ADA2: variants seen among roughly 807,000 people sequenced by gnomAD.
ADA2 encodes adenosine deaminase CECR1.
A neutral mutation model predicts 44.2 loss-of-function variants in ADA2; 29 were observed. The ratio of observed to expected loss-of-function variants is 0.66; its 90% CI spans 0.49 to 0.89. ADA2 has a LOEUF of 0.89. Ranked by LOEUF, ADA2 falls within the 40% of genes least tolerant of loss-of-function variation. ADA2 has a pLI of 0.00. For synonymous variants in ADA2, 215 were observed against 234.9 expected, an observed-to-expected ratio of 0.92 and a Z score of 0.77; for missense variants, 637 against 644.8, an observed-to-expected ratio of 0.99 and a Z score of 0.13.
intron 5 of ADA2, among the ~76,000 whole-genome samples, 180 bp downstream of exon 5, chr22:17,191,503 T>G (rs574954821): frequency 1.4e-4 from 22 of 152,288 alleles, no homozygotes; most frequent in African/African-American, 5.3e-4. Context: ...CAATTCATTG[T>G]TGGGTCACCG....
intron 9 of ADA2, 53 bp from the exon 10 acceptor site, chr22:17,181,629 G>T: frequency 7.5e-7 from 1 of 1,326,030 alleles, no homozygotes; most frequent in Non-Finnish European, 1.1e-6. Context: ...TTGGGGAACG[G>T]GGCAGGGAGC....
At chr22:17,205,203 A>G (rs975583947) in intron 3 of ADA2, among the ~76,000 whole-genome samples, 5 of 152,020 alleles carry the variant, frequency 3.3e-5, no homozygotes, top group Non-Finnish European at 7.4e-5. Context: ...TATTTTTAGT[A>G]GAGACAGGGT....
chr22:17,193,096 A>G, intron 4 of ADA2: 1 of 1,177,038 alleles, frequency 8.5e-7, no homozygotes, highest in Non-Finnish European at 1.2e-6. Context: ...AGCAACAAAA[A>G]AAAACAAAGA....
chr22:17,187,204 A>T (rs1270804913), intron 7 of ADA2, among the ~76,000 whole-genome samples: 2 of 151,516 alleles, frequency 1.3e-5, no homozygotes, highest in East Asian at 3.9e-4. Flanking sequence ...CTTTTTGTGT[A>T]GAATGGAATC....
At chr22:17,190,427 C>T (rs560756311) in intron 5 of ADA2, among the ~76,000 whole-genome samples, 2 of 152,204 alleles carry the variant, frequency 1.3e-5, no homozygotes, top group Non-Finnish European at 2.9e-5. Context: ...CCACTGCACA[C>T]CTGCAAAGGG....
At chr22:17,209,225 G>T in intron 2 of ADA2, 131 bp downstream of exon 2, 1 of 772,026 alleles carries the variant, frequency 1.3e-6, no homozygotes, top group Admixed American at 2.6e-5. Flanking sequence ...CATAAGGACA[G>T]AGGAGCAGAA....
intron 4 of ADA2, among the ~76,000 whole-genome samples, chr22:17,199,188 G>A (rs756018314): frequency 6.6e-6 from 1 of 151,940 alleles, no homozygotes; most frequent in East Asian, 1.9e-4. Flanking sequence ...GCTGGGGGAC[G>A]GGCGGAGACG....
chr22:17,201,967 CTTTTTTTTTTT>C (rs71200247), intron 4 of ADA2, among the ~76,000 whole-genome samples: 6 of 103,112 alleles, frequency 5.8e-5, no homozygotes, highest in East Asian at 5.7e-4. Flanking sequence ...TTTCTTTTTT[CTTTTTTTTTTT>C]TTTTTTTTTT....
chr22:17,194,304 G>A (rs900383400), intron 4 of ADA2, among the ~76,000 whole-genome samples: 1 of 152,130 alleles, frequency 6.6e-6, no homozygotes, highest in African/African-American at 2.4e-5. Flanking sequence ...CAGGAAATGG[G>A]CCCTTGGGAG....
intron 4 of ADA2, among the ~76,000 whole-genome samples, chr22:17,201,491 A>T (rs1436848768): frequency 6.6e-6 from 1 of 152,174 alleles, no homozygotes; most frequent in African/African-American, 2.4e-5. Flanking sequence ...GCATTTGTGT[A>T]TCCGATCAAT....
intron 4 of ADA2, 44 bp downstream of exon 4, chr22:17,203,519 A>G: frequency 6.7e-7 from 1 of 1,497,376 alleles, no homozygotes; most frequent in Non-Finnish European, 9.3e-7. Context: ...GAGTCAGGCC[A>G]GAGCAAAGGA....
At chr22:17,185,007 T>TATATATATATATATATATA (rs1568969005) in intron 7 of ADA2, among the ~76,000 whole-genome samples, 1 of 136,608 alleles carries the variant, frequency 7.3e-6, no homozygotes, top group Non-Finnish European at 1.6e-5. Context: ...TATATATATA[T>TATATATATATATATATATA]GAAAACTCCA....
chr22:17,202,773 C>CTTTTT (rs1555886608), intron 4 of ADA2, among the ~76,000 whole-genome samples: 1 of 132,660 alleles, frequency 7.5e-6, no homozygotes, highest in African/African-American at 2.7e-5. Flanking sequence ...TCCTTTCTTT[C>CTTTTT]TTTTTTTTTT....
At position 17,209,425 on chromosome 22, in the gene ADA2, G is replaced by A; in HGVS notation, c.253C>T (p.His85Tyr). ...MRTLIFPPSM[H>Y]FFQAKHLIER... The stretch of plus-strand genomic sequence containing the variant: ...ATGAGATGCTTGGCCTGGAAAAAGT[G>A]CATGCTGGGTGGGAATATCAGGGTC... Residue 85 changes from histidine to tyrosine, a missense_variant, in exon 2 of 10, where the codon CAC becomes TAC. His to Tyr is a moderately conservative substitution (Grantham distance 83). Transcript: ENST00000399837. 2 of 1,614,084 alleles carry A rather than the reference G, an allele frequency of 1.2e-6. No individual in the cohort carries two copies. The highest frequency in any genetic ancestry group is 1.7e-6 in the Non-Finnish European group (2 of 1,180,018).
chr22:17,198,043 A>AC (rs2062215745), intron 4 of ADA2, among the ~76,000 whole-genome samples: 1 of 151,950 alleles, frequency 6.6e-6, no homozygotes, highest in Admixed American at 6.6e-5. Context: ...CGTCTCAAAA[A>AC]AAAAAAAAAC....
In ADA2 at chr22:17,189,973, T is replaced by A; in HGVS notation, c.941A>T (p.Lys314Met). The A allele has an allele frequency of 6.2e-7, 1 of 1,613,960 alleles. No individual in the cohort carries two copies. Among genetic ancestry groups the A allele is most frequent in the Non-Finnish European group, 8.5e-7 (1 of 1,179,848 alleles). The change falls in exon 6 of 10, where the codon AAG becomes ATG. Residue 314 changes from lysine (K) to methionine (M), a missense_variant. Transcript: ENST00000399837. ...AAACCCTGCCACCACCGTGGGGAAC[T>A]TGATTCGGAGCCCCATGGCCATTCG... is the stretch of plus-strand genomic sequence containing the variant. ...SIRMAMGLRI[K>M]FPTVVAGFDL...
chr22:17,188,492 C>G (rs772102280), intron 6 of ADA2, 45 bp from the exon 7 acceptor site: 1 of 1,381,432 alleles, frequency 7.2e-7, no homozygotes, highest in South Asian at 1.2e-5. Flanking sequence ...GGGCGCATGC[C>G]TCACTTGCTG....
In ADA2 at chr22:17,209,680, G is replaced by A. The variant is rs1472733693; in HGVS notation, c.-3C>T. ...TCAGATGGGCCATCCACCAACATCG[G>A]GATGCCTGGACTAGGAAAGGGCTCA... is the stretch of plus-strand genomic sequence containing the variant. On this transcript the variant is annotated 5_prime_UTR_variant, in exon 2 of 10. Transcript: ENST00000399837. The A allele has an allele frequency of 6.2e-7, 1 of 1,609,744 alleles. No homozygotes were observed. Among genetic ancestry groups the A allele is most frequent in the African/African-American group, 1.3e-5 (1 of 74,844 alleles).
chr22:17,185,932 G>A (rs2062030720), intron 7 of ADA2, among the ~76,000 whole-genome samples: 2 of 152,174 alleles, frequency 1.3e-5, no homozygotes, highest in Non-Finnish European at 2.9e-5. Context: ...TCTTCCTTTG[G>A]ATCTGAAATT....
Sources: gnomAD v4.1 joint callset for allele counts (sites outside exome capture counted in the v4.1 genomes callset) on GRCh38, gnomAD v4.1.1 for gene constraint, MANE v1.5 for transcripts, NCBI Gene and HGNC (gene_info 2026-07-23, HGNC 2026-07-21) for gene names.